The following COL5A2 variants were observed in gnomAD, a reference collection of about 807,000 sequenced individuals.
COL5A2 encodes collagen alpha-2(V) chain.
Under a neutral mutation model 208.2 loss-of-function variants are expected in COL5A2, and 23 were observed. The ratio of observed to expected loss-of-function variants is 0.11; its 90% CI spans 0.08 to 0.16. COL5A2 has a LOEUF of 0.16. Among genes scored for constraint, COL5A2 ranks in the 10% least tolerant of loss-of-function variants. The pLI, the probability that COL5A2 is intolerant of heterozygous loss-of-function variation, is 1.00. For missense variants in COL5A2, 1,590 were observed against 1,956.4 expected, an observed-to-expected ratio of 0.81 and a Z score of 3.53; for synonymous variants, 625 against 628.5, an observed-to-expected ratio of 0.99 and a Z score of 0.08.
chr2:189,125,971 A>T (rs186621608), intron 1 of COL5A2, among the ~76,000 whole-genome samples: 195 of 152,108 alleles, frequency 1.3e-3, no homozygotes, highest in African/African-American at 4.1e-3. Context: ...TTTAGTCAAA[A>T]CTTACAGGAA....
chr2:189,297,966 A>T, the COL5A2 span, among the ~76,000 whole-genome samples: 1 of 152,192 alleles, frequency 6.6e-6, no homozygotes, highest in Non-Finnish European at 1.5e-5. Flanking sequence ...ACTTTCTAGT[A>T]ACTTTTGGTT....
chr2:189,053,630 G>C (rs1174702380), intron 37 of COL5A2, among the ~76,000 whole-genome samples, 153 bp from the exon 38 acceptor site: 1 of 152,098 alleles, frequency 6.6e-6, no homozygotes, highest in Non-Finnish European at 1.5e-5. Context: ...ATTATATAAA[G>C]ATATAGGTCA....
chr2:189,258,069 G>A, the COL5A2 span, among the ~76,000 whole-genome samples: 28 of 152,142 alleles, frequency 1.8e-4, no homozygotes, highest in East Asian at 3.9e-4. Context: ...AGCCGATATC[G>A]TGCCACTGCA....
intron 1 of COL5A2, among the ~76,000 whole-genome samples, chr2:189,216,676 T>C (rs150552533): frequency 5.9e-5 from 9 of 152,208 alleles, no homozygotes; most frequent in Non-Finnish European, 1.5e-5. Context: ...ATCACAATTC[T>C]AATTCTGGAC....
intron 1 of COL5A2, among the ~76,000 whole-genome samples, chr2:189,157,117 G>GATATATAGAT (rs1688262343): frequency 8.0e-6 from 1 of 124,526 alleles, no homozygotes; most frequent in African/African-American, 3.9e-5. Context: ...TAGATATATC[G>GATATATAGAT]ATATATCTAT....
the COL5A2 span, among the ~76,000 whole-genome samples, chr2:189,417,881 T>C: frequency 6.6e-6 from 1 of 151,986 alleles, no homozygotes; most frequent in Non-Finnish European, 1.5e-5. Flanking sequence ...TCTTCATTCA[T>C]TGTTGGACAC....
At chr2:189,089,398 A>G (rs1215430363) in intron 7 of COL5A2, among the ~76,000 whole-genome samples, 1 of 152,258 alleles carries the variant, frequency 6.6e-6, no homozygotes, top group African/African-American at 2.4e-5. Flanking sequence ...ACATTTTAGT[A>G]GTCACATTAG....
intron 51 of COL5A2, among the ~76,000 whole-genome samples, chr2:189,038,880 G>A (rs969752370): frequency 2.6e-5 from 4 of 151,878 alleles, no homozygotes; most frequent in Admixed American, 6.6e-5. Flanking sequence ...TAGTAGAGAC[G>A]GGGTTTCACC....
upstream of COL5A2, among the ~76,000 whole-genome samples, chr2:189,228,755 CT>C (rs1559151227): frequency 6.6e-6 from 1 of 151,806 alleles, no homozygotes. Flanking sequence ...AGTGGCAATT[CT>C]TTGCAAACTC....
At chr2:189,323,987 G>A in the COL5A2 span, among the ~76,000 whole-genome samples, 1 of 152,142 alleles carries the variant, frequency 6.6e-6, no homozygotes, top group African/African-American at 2.4e-5. Flanking sequence ...CAGACCAGTG[G>A]AACAGAACAG....
chr2:189,403,216 GT>G, the COL5A2 span, among the ~76,000 whole-genome samples: 2 of 152,154 alleles, frequency 1.3e-5, no homozygotes, highest in African/African-American at 4.8e-5. Context: ...TGGCTTGCCT[GT>G]TATTGGTGTA....
the COL5A2 span, among the ~76,000 whole-genome samples, chr2:189,244,038 T>C: frequency 6.6e-6 from 1 of 152,186 alleles, no homozygotes; most frequent in Non-Finnish European, 1.5e-5. Flanking sequence ...GCACACAGCA[T>C]GGGGACCCTG....
the COL5A2 span, among the ~76,000 whole-genome samples, chr2:189,318,818 C>T: frequency 1.3e-5 from 2 of 152,170 alleles, no homozygotes; most frequent in Non-Finnish European, 2.9e-5. Context: ...TCAGTTGCCA[C>T]ACCTGTTTTG....
chr2:189,415,067 C>G, the COL5A2 span, among the ~76,000 whole-genome samples: 1 of 152,078 alleles, frequency 6.6e-6, no homozygotes. Context: ...TACTTTCTTT[C>G]TAGTCTCTTA....
rs558656598 is a variant in COL5A2, at chr2:189,057,488, G to A, written c.2230-61C>T. 4.0e-6 allele frequency: 5 copies of A among 1,264,896 alleles called. No individual in the cohort carries two copies. In the South Asian group the frequency reaches 5.9e-5, roughly 15 times the overall value. 78.4% of individuals were successfully genotyped at this position (1,264,896 alleles called of 1,614,324 possible). A position where few individuals can be genotyped will look rare whatever the true frequency, so the allele number is the denominator to read the frequency against. On this transcript the variant is annotated intron_variant, in intron 33 of 53. Coordinates refer to ENST00000374866, the MANE Select transcript of COL5A2 (RefSeq NM_000393.5). ...ATATTAAGATTAAACTAATGAAATT[G>A]CTTTTTAGTGGGTCAAAAGTAGTTG...
At chr2:189,421,676 G>A in the COL5A2 span, among the ~76,000 whole-genome samples, 13 of 152,236 alleles carry the variant, frequency 8.5e-5, no homozygotes, top group East Asian at 2.3e-3. Context: ...TGACTGCCCA[G>A]GGACCAAGTG....
the COL5A2 span, among the ~76,000 whole-genome samples, chr2:189,342,705 C>T: frequency 6.7e-6 from 1 of 150,292 alleles, no homozygotes; most frequent in Non-Finnish European, 1.5e-5. Flanking sequence ...TTTTGATACA[C>T]AAATTAATGT....
intron 16 of COL5A2, among the ~76,000 whole-genome samples, chr2:189,078,045 A>G (rs1247153316): frequency 1.3e-5 from 2 of 152,198 alleles, no homozygotes; most frequent in African/African-American, 4.8e-5. Flanking sequence ...AAATGAATCA[A>G]GGACAGGTGA....
In COL5A2 at chr2:189,032,016, T is replaced by C. The variant is rs768660356; in HGVS notation, c.*2054A>G. 1 of 152,154 alleles carries C rather than the reference T, an allele frequency of 6.6e-6. No individual in the cohort carries two copies. The highest frequency in any genetic ancestry group is 2.4e-5 in the African/African-American group (1 of 41,450). The allele number at this position is 152,154 out of a possible 1,614,324, so 9.4% of individuals were successfully genotyped here. A position where few individuals can be genotyped will look rare whatever the true frequency, so the allele number is the denominator to read the frequency against. ...AGTATTACCACATATTTCTGATTCA[T>C]CTATATGAACTTATATAATCTTATA... On this transcript the variant is annotated 3_prime_UTR_variant, in exon 54 of 54. Transcript: ENST00000374866.
Sources: allele counts gnomAD v4.1 joint callset (sites outside exome capture counted in the v4.1 genomes callset), GRCh38; gene constraint gnomAD v4.1.1; transcripts MANE v1.5; gene names NCBI Gene and HGNC (gene_info 2026-07-23, HGNC 2026-07-21).